Variants in SRM observed in about 807,000 individuals in gnomAD.
SRM encodes spermidine synthase.
Under a neutral mutation model 39.3 loss-of-function variants are expected in SRM, and 14 were observed. That is an observed-to-expected ratio of 0.36 (90% confidence interval 0.24 to 0.56). The LOEUF (loss-of-function observed/expected upper bound fraction) is 0.56, where lower values mean the gene tolerates loss of function less well. SRM is among the 20% of genes least tolerant of loss of function. The probability of loss-of-function intolerance (pLI) is 0.86; values close to 1 mark genes in which losing one functional copy is unlikely to be tolerated. For missense variants in SRM, 244 were observed against 409.2 expected (o/e 0.60, Z 3.48); for synonymous variants, 195 against 173.1 (o/e 1.13, Z -0.99).
chr1:11,059,903 G>T lies in SRM; in HGVS notation c.41C>A (p.Ala14Asp). 1 of 1,421,806 alleles carries T rather than the reference G, an allele frequency of 7.0e-7. No homozygotes were observed. Among genetic ancestry groups the T allele is most frequent in the Non-Finnish European group, 9.2e-7 (1 of 1,087,422 alleles). The allele number at this position is 1,421,806 out of a possible 1,614,324, so 88.1% of individuals were successfully genotyped here. A position where few individuals can be genotyped will look rare whatever the true frequency, so the allele number is the denominator to read the frequency against. Residue 14 changes from alanine (A) to aspartate (D), a missense_variant, in exon 1 of 8, where the codon GCC becomes GAC. By Grantham distance (126) the Ala-to-Asp change is moderately radical. Transcript: ENST00000376957. ...GPDGPAASGP[A>D]AIREGWFRET... ...GCGGAACCAGCCCTCGCGGATGGCG[G>T]CGGGGCCGGAGGCGGCGGGGCCGTC... is the stretch of plus-strand genomic sequence containing the variant.
At chr1:11,059,697 G>A in intron 1 of SRM, 80 bp downstream of exon 1, 1 of 1,455,848 alleles carries the variant, frequency 6.9e-7, no homozygotes, top group Admixed American at 2.3e-5. Context: ...TTGGGTCCCG[G>A]CGTGGAGAGG....
In SRM at chr1:11,056,668, A is replaced by G; in HGVS notation, c.471T>C (p.Phe157=). The G allele has an allele frequency of 6.2e-7, 1 of 1,614,134 alleles. No homozygotes were observed. Residue 157 remains phenylalanine (F), a synonymous_variant, in exon 4 of 8, where the codon TTT becomes TTC. Coordinates refer to ENST00000376957, the MANE Select transcript of SRM (RefSeq NM_003132.3). ...SKLTLHVGDG[F]EFMKQNQDAF... ...CATCCTGATTCTGTTTCATGAACTC[A>G]AAACCGTCACCCACATGTAGGGTCA...
intron 3 of SRM, 69 bp downstream of exon 3, chr1:11,058,707 TACCTGCCTTGCTCGGGGGTGTGCA>T: frequency 8.9e-7 from 1 of 1,123,466 alleles, no homozygotes; most frequent in Non-Finnish European, 1.3e-6. Context: ...AAACAGGCCC[TACCTGCCTTGCTCGGGGGTGTGCA>T]GCCATTTCAG....
intron 2 of SRM, 108 bp from the exon 3 acceptor site, chr1:11,059,000 A>G (rs1557683755): frequency 1.0e-5 from 13 of 1,290,696 alleles, no homozygotes; most frequent in South Asian, 8.8e-5. Flanking sequence ...ATCTTTTTCT[A>G]CCCTCGGAAA....
intron 6 of SRM, among the ~76,000 whole-genome samples, chr1:11,055,563 C>G (rs536562106): frequency 6.6e-6 from 1 of 152,058 alleles, no homozygotes; most frequent in Admixed American, 6.5e-5. Flanking sequence ...TACAGGCGCG[C>G]GCTGCCATGC....
chr1:11,056,733 A>T lies in SRM; in HGVS notation c.406T>A (p.Phe136Ile). The T allele has an allele frequency of 6.2e-7, 1 of 1,614,152 alleles. No homozygotes were observed. The highest frequency in any genetic ancestry group is 8.5e-7 in the Non-Finnish European group (1 of 1,180,018). Residue 136 changes from phenylalanine (F) to isoleucine (I), a missense_variant, in exon 4 of 8, where the codon TTC (phenylalanine) becomes ATC (isoleucine). Physicochemically the swap from Phe to Ile is conservative, Grantham distance 21. Transcript: ENST00000376957. Reference protein sequence around the residue: ...DEDVIQVSKKFLPGMAIGYSS... With the variant: ...DEDVIQVSKKILPGMAIGYSS... ...TAGCCAATGGCCATGCCTGGCAGGA[A>T]CTTCTTGGAGACTTGGATGACATCC...
intron 4 of SRM, 131 bp from the exon 5 acceptor site, chr1:11,056,225 C>G: frequency 1.2e-6 from 1 of 860,782 alleles, no homozygotes; most frequent in Non-Finnish European, 1.8e-6. Context: ...CACCTGAATC[C>G]CATTCTTGGG....
chr1:11,059,273 C>T lies in SRM; in HGVS notation c.240G>A (p.Gln80=). ...AGAGAGGCAGGTTGGCGATCATCTCCTGGTAGGAGAACTCGTCTCTCTCCG... is the reference window on the plus strand; with the variant it reads ...AGAGAGGCAGGTTGGCGATCATCTCTTGGTAGGAGAACTCGTCTCTCTCCG... ...QCTERDEFSY[Q]EMIANLPLCS... The change falls in exon 2 of 8, where the codon CAG becomes CAA. Residue 80 remains glutamine (Q), a synonymous_variant. Transcript: ENST00000376957. The T allele has an allele frequency of 1.9e-6, 3 of 1,613,616 alleles. No individual in the cohort carries two copies. Among genetic ancestry groups the T allele is most frequent in the South Asian group, 1.1e-5 (1 of 91,092 alleles).
chr1:11,057,150 C>T (rs1209883299), intron 3 of SRM, among the ~76,000 whole-genome samples: 6 of 152,104 alleles, frequency 3.9e-5, no homozygotes, highest in African/African-American at 1.4e-4. Flanking sequence ...AGCCACCACA[C>T]CTGGCCCCTT....
At position 11,059,277 on chromosome 1, in the gene SRM, T is replaced by A; in HGVS notation, c.236A>T (p.Tyr79Phe). ...AGGCAGGTTGGCGATCATCTCCTGG[T>A]AGGAGAACTCGTCTCTCTCCGTGCA... The part of the protein sequence containing the change: ...IQCTERDEFS[Y>F]QEMIANLPLC... The change falls in exon 2 of 8, where the codon TAC becomes TTC. Residue 79 changes from tyrosine (Y) to phenylalanine (F), a missense_variant. Tyr to Phe is a conservative substitution (Grantham distance 22). Coordinates refer to ENST00000376957, the MANE Select transcript of SRM (RefSeq NM_003132.3). The A allele has an allele frequency of 6.2e-7, 1 of 1,613,552 alleles. No homozygotes were observed. The highest frequency in any genetic ancestry group is 8.5e-7 in the Non-Finnish European group (1 of 1,179,968).
At chr1:11,059,102 G>A (rs1638930998) in intron 2 of SRM, 123 bp downstream of exon 2, 2 of 1,533,806 alleles carry the variant, frequency 1.3e-6, no homozygotes, top group Non-Finnish European at 1.8e-6. Context: ...CCACCCCTCC[G>A]CGGGACGCCC....
At chr1:11,055,417 G>GT (rs763083486) in intron 6 of SRM, among the ~76,000 whole-genome samples, 3,210 of 134,306 alleles carry the variant, frequency 0.024, 125 homozygotes, top group African/African-American at 0.076. Context: ...CCTGGGGAGG[G>GT]TTTTTTTTTT....
At position 11,059,899 on chromosome 1, in the gene SRM, G is replaced by A. The variant is rs781495048; in HGVS notation, c.45C>T (p.Ala15=). 1.5e-5 allele frequency: 21 copies of A among 1,432,500 alleles called. No homozygotes were observed. The East Asian group carries it at 5.8e-4, about 40-fold the overall frequency. The allele number at this position is 1,432,500 out of a possible 1,614,324, so 88.7% of individuals were successfully genotyped here. A position where few individuals can be genotyped will look rare whatever the true frequency, so the allele number is the denominator to read the frequency against. The change falls in exon 1 of 8, where the codon GCC becomes GCT. Residue 15 remains alanine, a synonymous_variant. Coordinates refer to ENST00000376957, the MANE Select transcript of SRM (RefSeq NM_003132.3). ...PDGPAASGPA[A]IREGWFRETC... is the part of the protein sequence containing the mutation. ...TCTCGCGGAACCAGCCCTCGCGGAT[G>A]GCGGCGGGGCCGGAGGCGGCGGGGC...
rs991645834 is a variant in SRM at position 11,059,122 on chromosome 1, C to G, written c.288+103G>C. ...CCTCCGCGGGACGCCCCTGGCCTCG[C>G]TAGCACTTTCTCTGACAACCATGCA... is the stretch of plus-strand genomic sequence containing the variant. On this transcript the variant is annotated intron_variant, in intron 2 of 7. Coordinates refer to ENST00000376957, the MANE Select transcript of SRM (RefSeq NM_003132.3). 5.1e-6 allele frequency: 8 copies of G among 1,578,826 alleles called. No individual in the cohort carries two copies. In the Admixed American group the frequency reaches 1.0e-4, roughly 20 times the overall value.
At chr1:11,055,469 T>C (rs190883783) in intron 6 of SRM, among the ~76,000 whole-genome samples, 2,797 of 149,986 alleles carry the variant, frequency 0.019, 68 homozygotes, top group African/African-American at 0.065. Context: ...GGCTGGAATG[T>C]AGTGGCGCAA....
intron 3 of SRM, among the ~76,000 whole-genome samples, chr1:11,057,939 C>T (rs377764639): frequency 8.5e-5 from 13 of 152,118 alleles, no homozygotes; most frequent in East Asian, 7.8e-4. Flanking sequence ...CTACCATGCC[C>T]GGCTAATTTT....
At position 11,058,561 on chromosome 1, in the gene SRM, CAAAAAAAAAA is replaced by C. The variant is rs55958066; in HGVS notation, c.381+229_381+238del. ...GGGCAACAAGAGCGAAACTCTGTCTCAAAAAAAAAAAAAAAAAAAAAATCAGCTCAGTTTT... is the reference window on the plus strand; with the variant it reads ...GGGCAACAAGAGCGAAACTCTGTCTCAAAAAAAAAAAATCAGCTCAGTTTT... On this transcript the variant is annotated intron_variant, in intron 3 of 7. Coordinates refer to ENST00000376957, the MANE Select transcript of SRM (RefSeq NM_003132.3). 9 of 181,112 alleles carry C rather than the reference CAAAAAAAAAA, an allele frequency of 5.0e-5. No homozygotes were observed. The East Asian group carries it at 6.6e-4, about 13-fold the overall frequency. 11.2% of individuals were successfully genotyped at this position (181,112 alleles called of 1,614,324 possible). A position where few individuals can be genotyped will look rare whatever the true frequency, so the allele number is the denominator to read the frequency against.
Position 11,056,622 on chromosome 1 carries a change from C to T in SRM, c.517G>A (p.Asp173Asn). Residue 173 changes from aspartate to asparagine, a missense_variant, in exon 4 of 8, where the codon GAC becomes AAC. Asp to Asn is a conservative substitution (Grantham distance 23). Transcript: ENST00000376957. Reference sequence around the variant, plus strand: ...TGCTTACCCATGGGGTCTGAGGAGTCAGTGATGATCACGTCGAAGGCATCC... The same window carrying T: ...TGCTTACCCATGGGGTCTGAGGAGTTAGTGATGATCACGTCGAAGGCATCC... Reference protein sequence around the residue: ...NQDAFDVIITDSSDPMGPAES... With the variant: ...NQDAFDVIITNSSDPMGPAES... 6.2e-7 allele frequency: 1 copy of T among 1,614,162 alleles called. No homozygotes were observed. Among genetic ancestry groups the T allele is most frequent in the East Asian group, 2.2e-5 (1 of 44,876 alleles).
At chr1:11,056,980 G>A (rs898132020) in intron 3 of SRM, among the ~76,000 whole-genome samples, 5 of 151,970 alleles carry the variant, frequency 3.3e-5, no homozygotes, top group Non-Finnish European at 7.4e-5. Flanking sequence ...CGGGGCTCAG[G>A]TGATCCTCCC....
Sources: gnomAD v4.1 joint callset for allele counts (sites outside exome capture counted in the v4.1 genomes callset) on GRCh38, gnomAD v4.1.1 for gene constraint, MANE v1.5 for transcripts, NCBI Gene and HGNC (gene_info 2026-07-23, HGNC 2026-07-21) for gene names.